The following EHBP1 variants were observed in gnomAD, a reference collection of about 807,000 sequenced individuals.
EHBP1 encodes the protein EH domain-binding protein 1.
A neutral mutation model predicts 144.0 loss-of-function variants in EHBP1; 55 were observed. The observed-to-expected ratio is 0.38, with a 90% CI of 0.31 to 0.48. The LOEUF is 0.48. Among genes scored for constraint, EHBP1 ranks in the 20% least tolerant of loss-of-function variants. EHBP1 has a pLI of 0.98. For synonymous variants in EHBP1, 469 were observed against 472.7 expected (o/e 0.99, Z 0.10); for missense variants, 1,200 against 1,364.2 (o/e 0.88, Z 1.90).
intron 2 of EHBP1, among the ~76,000 whole-genome samples, chr2:62,724,197 TCTGA>T (rs1332373381): frequency 6.6e-6 from 1 of 152,258 alleles, no homozygotes; most frequent in African/African-American, 2.4e-5. Context: ...TCTATTCTTG[TCTGA>T]CTGTCTTATT....
At chr2:63,030,674 G>T (rs1470231131) in intron 19 of EHBP1, among the ~76,000 whole-genome samples, 1 of 150,012 alleles carries the variant, frequency 6.7e-6, no homozygotes, top group African/African-American at 2.5e-5. Context: ...TGTATTTTTA[G>T]TAGAGACGGG....
At chr2:62,922,753 C>A (rs1253906677) in intron 10 of EHBP1, among the ~76,000 whole-genome samples, 1 of 152,136 alleles carries the variant, frequency 6.6e-6, no homozygotes, top group East Asian at 1.9e-4. Context: ...GATAGGAAGT[C>A]CAGGAGGGCA....
chr2:62,717,778 CTATG>C (rs751269673), intron 2 of EHBP1, among the ~76,000 whole-genome samples: 143 of 151,862 alleles, frequency 9.4e-4, no homozygotes, highest in Middle Eastern at 3.4e-3. Context: ...GATAACCTGC[CTATG>C]TCTGAAAGAG....
At chr2:62,901,553 C>CA (rs1198937895) in intron 10 of EHBP1, among the ~76,000 whole-genome samples, 6 of 146,438 alleles carry the variant, frequency 4.1e-5, no homozygotes, top group Admixed American at 3.4e-4. Context: ...ATAGAGGAAA[C>CA]AAAAAAAAGG....
In EHBP1 at chr2:62,905,542, C is replaced by T. The variant is rs944752628; in HGVS notation, c.1185+31010C>T. Among the ~76,000 whole-genome samples the T allele has an allele frequency of 1.4e-4, 22 of 151,984 alleles. No homozygotes were observed. In the South Asian group the frequency reaches 1.9e-3, roughly 13 times the overall value. ...GGTACATGCTTGAAACGATCACTCT[C>T]GGTTGGGCGCAGCAGCTCATACCTA... On this transcript the variant is annotated intron_variant, in intron 10 of 22. Coordinates refer to ENST00000431489, the MANE Select transcript of EHBP1 (RefSeq NM_001142616.3).
chr2:62,842,695 G>C (rs188759360), intron 7 of EHBP1, among the ~76,000 whole-genome samples: 1 of 152,222 alleles, frequency 6.6e-6, no homozygotes, highest in Admixed American at 6.5e-5. Context: ...ATTCCAGTGG[G>C]TTATTAATTG....
At chr2:62,909,245 C>T (rs1465105464) in intron 10 of EHBP1, among the ~76,000 whole-genome samples, 2 of 151,980 alleles carry the variant, frequency 1.3e-5, no homozygotes, top group Admixed American at 6.6e-5. Flanking sequence ...GTGGCACAAT[C>T]TTGGCTCAAT....
chr2:62,705,001 G>A (rs1009252834), upstream of EHBP1, among the ~76,000 whole-genome samples: 5 of 152,184 alleles, frequency 3.3e-5, no homozygotes, highest in East Asian at 9.6e-4. Context: ...AAATGTTGAA[G>A]ACTCCGAACA....
At chr2:62,753,298 A>C (rs2152241132) in intron 3 of EHBP1, among the ~76,000 whole-genome samples, 1 of 152,202 alleles carries the variant, frequency 6.6e-6, no homozygotes, top group East Asian at 1.9e-4. Context: ...TGGGTTGAAA[A>C]TTCTTTTCTT....
At chr2:62,991,285 T>C (rs2059403163) in intron 16 of EHBP1, among the ~76,000 whole-genome samples, 2 of 151,804 alleles carry the variant, frequency 1.3e-5, no homozygotes, top group African/African-American at 4.8e-5. Flanking sequence ...AAAATTGTAT[T>C]AAATAGCCAA....
intron 21 of EHBP1, chr2:63,044,377 C>G (rs994351238): frequency 6.6e-6 from 1 of 151,374 alleles, no homozygotes; most frequent in African/African-American, 2.4e-5. Context: ...TGCAAAAGTG[C>G]TTTGATTTGA....
At chr2:62,684,880 G>A (rs1242710534) in intron 1 of EHBP1, among the ~76,000 whole-genome samples, 2 of 152,174 alleles carry the variant, frequency 1.3e-5, no homozygotes, top group African/African-American at 2.4e-5. Flanking sequence ...CAAAAACTGG[G>A]TGACTTACAC....
At chr2:62,681,419 C>CA in intron 1 of EHBP1, among the ~76,000 whole-genome samples, 2 of 89,986 alleles carry the variant, frequency 2.2e-5, no homozygotes, top group Non-Finnish European at 2.2e-5. Context: ...TATACACATA[C>CA]AAAAAACTGA....
Position 62,864,962 on chromosome 2 carries a change from A to C in EHBP1, c.989A>C (p.Glu330Ala), listed in dbSNP as rs777427657. ...YADSSKTEEE[E>A]LDESNPFYEP... ...GATAGTTCTAAAACTGAAGAAGAAG[A>C]ATTGGATGAGTAAGTACATTTCATT... Residue 330 changes from glutamate to alanine, a missense_variant, in exon 9 of 23, where the codon GAA becomes GCA. Physicochemically the swap from Glu to Ala is moderately radical, Grantham distance 107. Coordinates refer to ENST00000431489, the MANE Select transcript of EHBP1 (RefSeq NM_001142616.3). 3.1e-6 allele frequency: 5 copies of C among 1,612,836 alleles called. No individual in the cohort carries two copies. The South Asian group carries it at 5.5e-5, about 18-fold the overall frequency.
At position 62,921,420 on chromosome 2, in the gene EHBP1, A is replaced by G. The variant is rs116353143; in HGVS notation, c.1186-21298A>G. Among the ~76,000 whole-genome samples the G allele has an allele frequency of 7.9e-3, 1,206 of 151,878 alleles. 16 individuals carry two copies. The highest frequency in any genetic ancestry group is 0.028 in the African/African-American group (1,175 of 41,440). On this transcript the variant is annotated intron_variant, in intron 10 of 22. Coordinates refer to ENST00000431489, the MANE Select transcript of EHBP1 (RefSeq NM_001142616.3). Reference sequence around the variant, plus strand: ...AGATTGCACCACTGCACTCCAGCCTAGGAGACAGAGCCAGACCTTGTCTCA... The same window carrying G: ...AGATTGCACCACTGCACTCCAGCCTGGGAGACAGAGCCAGACCTTGTCTCA...
At chr2:62,929,830 A>C (rs564564045) in intron 10 of EHBP1, among the ~76,000 whole-genome samples, 3 of 144,232 alleles carry the variant, frequency 2.1e-5, no homozygotes, top group South Asian at 2.2e-4. Context: ...AAGATTCTAC[A>C]AAAAAAAAAA....
intron 5 of EHBP1, among the ~76,000 whole-genome samples, chr2:62,799,451 AT>A (rs1277188652): frequency 6.6e-6 from 1 of 152,186 alleles, no homozygotes; most frequent in Non-Finnish European, 1.5e-5. Flanking sequence ...AGTTTAAAAT[AT>A]TTTTATCACC....
intron 10 of EHBP1, among the ~76,000 whole-genome samples, chr2:62,931,478 A>G (rs2055986348): frequency 6.6e-6 from 1 of 152,204 alleles, no homozygotes; most frequent in Non-Finnish European, 1.5e-5. Context: ...CAGTATCATG[A>G]TTCCTCAAAA....
At chr2:62,890,127 A>G (rs1281623323) in intron 10 of EHBP1, among the ~76,000 whole-genome samples, 2 of 151,794 alleles carry the variant, frequency 1.3e-5, no homozygotes, top group East Asian at 1.9e-4. Context: ...CACCCAGCTA[A>G]TTTTTGTATT....
Sources: allele counts gnomAD v4.1 joint callset (sites outside exome capture counted in the v4.1 genomes callset), GRCh38; gene constraint gnomAD v4.1.1; transcripts MANE v1.5; gene names NCBI Gene and HGNC (gene_info 2026-07-23, HGNC 2026-07-21).